Variants in PTPRD observed in about 807,000 individuals in gnomAD.
The protein encoded by PTPRD is receptor-type tyrosine-protein phosphatase delta.
In PTPRD, 34 loss-of-function variants were observed where a neutral mutation model predicts 214.5. The observed-to-expected ratio is 0.16, with a 90% CI of 0.12 to 0.21. The LOEUF (loss-of-function observed/expected upper bound fraction) is 0.21, where lower values mean the gene tolerates loss of function less well. Ranked by LOEUF, PTPRD falls within the 10% of genes least tolerant of loss-of-function variation. PTPRD has a pLI of 1.00. For missense variants in PTPRD, 2,545 were observed against 2,398.7 expected, an observed-to-expected ratio of 1.06 and a Z score of -1.27; for synonymous variants, 1,128 against 845.7, an observed-to-expected ratio of 1.33 and a Z score of -5.79.
chr9:10,069,094 C>T (rs1590215407), intron 3 of PTPRD, among the ~76,000 whole-genome samples: 1 of 152,014 alleles, frequency 6.6e-6, no homozygotes, highest in East Asian at 1.9e-4. Context: ...ATTGTGTCAA[C>T]CCATGGTTTC....
At chr9:10,279,840 A>G (rs1564985324) in intron 3 of PTPRD, among the ~76,000 whole-genome samples, 1 of 152,142 alleles carries the variant, frequency 6.6e-6, no homozygotes, top group South Asian at 2.1e-4. Context: ...TGATACTTTC[A>G]TCATTAATAC....
At chr9:8,680,554 T>C (rs2097531311) in intron 12 of PTPRD, among the ~76,000 whole-genome samples, 1 of 152,188 alleles carries the variant, frequency 6.6e-6, no homozygotes, top group Admixed American at 6.5e-5. Flanking sequence ...TTTATACCTA[T>C]CTCTACATTG....
chr9:8,619,282 C>G (rs1015667371), intron 14 of PTPRD, among the ~76,000 whole-genome samples: 3 of 151,964 alleles, frequency 2.0e-5, no homozygotes, highest in Admixed American at 1.3e-4. Flanking sequence ...TGTTCTACAA[C>G]AGTTCTCTTA....
chr9:9,780,163 G>C (rs892158523), intron 5 of PTPRD, among the ~76,000 whole-genome samples: 4 of 152,124 alleles, frequency 2.6e-5, no homozygotes, highest in African/African-American at 9.7e-5. Context: ...GAACAAGAAA[G>C]CCAAATATTG....
At chr9:8,615,336 A>G (rs1170057184) in intron 14 of PTPRD, among the ~76,000 whole-genome samples, 5 of 152,240 alleles carry the variant, frequency 3.3e-5, no homozygotes, top group Admixed American at 3.3e-4. Context: ...CAAGGAGGGC[A>G]TAGTAAGTAC....
At chr9:10,376,944 T>A (rs961833152) in intron 2 of PTPRD, among the ~76,000 whole-genome samples, 1 of 152,004 alleles carries the variant, frequency 6.6e-6, no homozygotes, top group African/African-American at 2.4e-5. Flanking sequence ...AATGTACAAT[T>A]AAATTGTTAT....
chr9:9,990,650 G>C (rs2095880059), intron 4 of PTPRD, among the ~76,000 whole-genome samples: 1 of 152,200 alleles, frequency 6.6e-6, no homozygotes, highest in Non-Finnish European at 1.5e-5. Flanking sequence ...TTTAGCCCTG[G>C]GCTGGGATGA....
intron 2 of PTPRD, among the ~76,000 whole-genome samples, chr9:10,354,823 G>C (rs2097246650): frequency 1.3e-5 from 2 of 152,102 alleles, no homozygotes; most frequent in African/African-American, 4.8e-5. Context: ...GAGAAGGAAA[G>C]ACATGAGAAG....
chr9:8,539,837 T>C (rs1166107650), intron 14 of PTPRD, among the ~76,000 whole-genome samples: 1 of 152,098 alleles, frequency 6.6e-6, no homozygotes, highest in East Asian at 1.9e-4. Context: ...AATTCTGAAC[T>C]GGAGCCTCTG....
chr9:8,317,208 T>A lies in PTPRD; in HGVS notation c.*666A>T, dbSNP rs989652935. 4.3e-6 allele frequency: 1 copy of A among 231,720 alleles called. No individual in the cohort carries two copies. Among genetic ancestry groups the A allele is most frequent in the African/African-American group, 2.2e-5 (1 of 45,206 alleles). The allele number at this position is 231,720 out of a possible 1,614,324, so 14.4% of individuals were successfully genotyped here. A position where few individuals can be genotyped will look rare whatever the true frequency, so the allele number is the denominator to read the frequency against. ...TATTTCTACAGCAAGATATTACAGA[T>A]AACAGTTCTACAGCTTAAAAAAACC... On this transcript the variant is annotated 3_prime_UTR_variant, in exon 46 of 46. Transcript: ENST00000381196.
At chr9:10,204,732 A>G (rs1046523312) in intron 3 of PTPRD, among the ~76,000 whole-genome samples, 1 of 152,180 alleles carries the variant, frequency 6.6e-6, no homozygotes, top group African/African-American at 2.4e-5. Flanking sequence ...ATCTGAGAAT[A>G]AAGCGTATAT....
chr9:8,880,691 T>C (rs2098438454), intron 11 of PTPRD, among the ~76,000 whole-genome samples: 1 of 152,176 alleles, frequency 6.6e-6, no homozygotes, highest in African/African-American at 2.4e-5. Flanking sequence ...ATTATTCATA[T>C]GTATAACAAC....
intron 5 of PTPRD, among the ~76,000 whole-genome samples, chr9:9,929,071 C>T (rs1277042634): frequency 6.6e-6 from 1 of 152,034 alleles, no homozygotes; most frequent in Non-Finnish European, 1.5e-5. Context: ...GATAATTGAG[C>T]CTAAGCAATA....
rs78632010 is a variant in PTPRD at position 9,178,820 on chromosome 9, C to A, written c.-143+4484G>T. ...AATGTGACTCTCTCAAGCAGAAATGCTCTGGGAACATCCTGCTGAGCTTTC... is the reference window on the plus strand; with the variant it reads ...AATGTGACTCTCTCAAGCAGAAATGATCTGGGAACATCCTGCTGAGCTTTC... On this transcript the variant is annotated intron_variant, in intron 10 of 45. Transcript: ENST00000381196. Among the ~76,000 whole-genome samples the A allele has an allele frequency of 8.7e-4, 133 of 152,188 alleles. No individual in the cohort carries two copies. The East Asian group carries it at 0.024, about 27-fold the overall frequency.
At chr9:10,607,436 G>A (rs1317095603) in intron 2 of PTPRD, among the ~76,000 whole-genome samples, 2 of 151,744 alleles carry the variant, frequency 1.3e-5, no homozygotes, top group Non-Finnish European at 1.5e-5. Flanking sequence ...CTATTTTGAA[G>A]AGAACAGATG....
chr9:9,822,173 G>C (rs528226115), intron 5 of PTPRD, among the ~76,000 whole-genome samples: 4 of 150,600 alleles, frequency 2.7e-5, no homozygotes, highest in Non-Finnish European at 5.9e-5. Context: ...CGCACTTTGG[G>C]AGGCTGAGGT....
At chr9:9,548,971 T>C (rs1356777544) in intron 8 of PTPRD, among the ~76,000 whole-genome samples, 2 of 152,122 alleles carry the variant, frequency 1.3e-5, no homozygotes, top group African/African-American at 4.8e-5. Flanking sequence ...AATTTAGTTA[T>C]AAAAGATTTG....
intron 5 of PTPRD, among the ~76,000 whole-genome samples, chr9:9,779,772 C>T (rs2098828355): frequency 6.6e-6 from 1 of 152,120 alleles, no homozygotes; most frequent in South Asian, 2.1e-4. Context: ...TTTAAGTGTT[C>T]CCTTTTCTCC....
At chr9:10,366,761 T>G (rs1031064366) in intron 2 of PTPRD, among the ~76,000 whole-genome samples, 2 of 152,208 alleles carry the variant, frequency 1.3e-5, no homozygotes, top group African/African-American at 4.8e-5. Flanking sequence ...TATTGCCACG[T>G]ACTTGCTCCA....
Sources: allele counts gnomAD v4.1 joint callset (sites outside exome capture counted in the v4.1 genomes callset), GRCh38; gene constraint gnomAD v4.1.1; transcripts MANE v1.5; gene names NCBI Gene and HGNC (gene_info 2026-07-23, HGNC 2026-07-21).